Variants in KMT5A observed in about 807,000 individuals in gnomAD.
KMT5A encodes N-lysine methyltransferase KMT5A.
Under a neutral mutation model 40.6 loss-of-function variants are expected in KMT5A, and 6 were observed. The observed-to-expected ratio is 0.15, with a 90% confidence interval of 0.08 to 0.29. The LOEUF (loss-of-function observed/expected upper bound fraction) is 0.29. Ranked by LOEUF, KMT5A falls within the 10% of genes least tolerant of loss-of-function variation. The pLI, the probability that KMT5A is intolerant of heterozygous loss-of-function variation, is 1.00. For missense variants in KMT5A, 308 were observed against 459.1 expected, an observed-to-expected ratio of 0.67 and a Z score of 3.01; for synonymous variants, 153 against 178.8, an observed-to-expected ratio of 0.86 and a Z score of 1.15.
At chr12:123,394,961 A>C in intron 3 of KMT5A, 86 bp from the exon 4 acceptor site, 1 of 1,275,176 alleles carries the variant, frequency 7.8e-7, no homozygotes, top group Non-Finnish European at 1.1e-6. Flanking sequence ...CTGTCTTCTC[A>C]AAGCTTGTCT....
At chr12:123,386,915 G>A (rs1394536874) in intron 1 of KMT5A, among the ~76,000 whole-genome samples, 1 of 151,946 alleles carries the variant, frequency 6.6e-6, no homozygotes, top group Non-Finnish European at 1.5e-5. Flanking sequence ...GAGTGCAGTG[G>A]CACAATCTTG....
At chr12:123,388,871 C>G (rs1424898511) in intron 1 of KMT5A, 2 of 148,066 alleles carry the variant, frequency 1.4e-5, no homozygotes, top group Non-Finnish European at 3.0e-5. Flanking sequence ...CGCGCCCGCC[C>G]GCCCGCCCTC....
At chr12:123,396,856 G>T (rs1003683643) in intron 5 of KMT5A, among the ~76,000 whole-genome samples, 3 of 152,184 alleles carry the variant, frequency 2.0e-5, no homozygotes, top group African/African-American at 7.2e-5. Flanking sequence ...AGTGGCTTGG[G>T]GCCACTTGCT....
At chr12:123,401,770 C>T (rs1226529034) in intron 5 of KMT5A, among the ~76,000 whole-genome samples, 2 of 151,782 alleles carry the variant, frequency 1.3e-5, no homozygotes, top group Non-Finnish European at 2.9e-5. Context: ...TTAGTAGAGA[C>T]GGGGTTTCGC....
chr12:123,404,019 C>T (rs993148024), intron 6 of KMT5A, among the ~76,000 whole-genome samples: 5 of 152,164 alleles, frequency 3.3e-5, no homozygotes, highest in African/African-American at 1.2e-4. Flanking sequence ...TCTCCCCTGC[C>T]CAGCCCCTGG....
intron 5 of KMT5A, among the ~76,000 whole-genome samples, chr12:123,400,059 T>C (rs1327440158): frequency 6.6e-6 from 1 of 152,128 alleles, no homozygotes; most frequent in African/African-American, 2.4e-5. Context: ...CCTGACCTCA[T>C]GATCCACTTG....
intron 5 of KMT5A, among the ~76,000 whole-genome samples, chr12:123,397,152 C>T (rs947758267): frequency 6.6e-6 from 1 of 152,276 alleles, no homozygotes; most frequent in Non-Finnish European, 1.5e-5. Flanking sequence ...GGAAGGCCAG[C>T]TGGCCTATGC....
Position 123,399,596 on chromosome 12 carries a change from G to A in KMT5A, c.597+3164G>A, listed in dbSNP as rs74503997. ...GGGTCACACAGCAAGGTGGTTATGT[G>A]TGTGATGGTGGTGGTGTTGCTTTGA... is the stretch of plus-strand genomic sequence containing the variant. On this transcript the variant is annotated intron_variant, in intron 5 of 7. Transcript: ENST00000402868. 2.9e-3 allele frequency among the ~76,000 whole-genome samples: 449 copies of A among 152,340 alleles called. 3 individuals carry two copies. Among genetic ancestry groups the A allele is most frequent in the East Asian group, 0.012 (64 of 5,192 alleles).
At chr12:123,402,787 G>A (rs760097624) in intron 5 of KMT5A, among the ~76,000 whole-genome samples, 3 of 152,142 alleles carry the variant, frequency 2.0e-5, no homozygotes, top group Non-Finnish European at 4.4e-5. Context: ...CTCATCCATC[G>A]TGGTGGCCTC....
chr12:123,385,767 G>T (rs1876838194), intron 1 of KMT5A, among the ~76,000 whole-genome samples: 1 of 152,128 alleles, frequency 6.6e-6, no homozygotes, highest in African/African-American at 2.4e-5. Context: ...AGGGAGAATT[G>T]CCTGAACCTG....
Position 123,384,194 on chromosome 12 carries a change from G to A in KMT5A, c.-5G>A. ...GGAGATCCCAGGCGGTGACAGAGTG[G>A]AGCCATGGCTAGAGGTATTTGCCCA... On this transcript the variant is annotated 5_prime_UTR_variant, in exon 1 of 8. Coordinates refer to ENST00000402868, the MANE Select transcript of KMT5A (RefSeq NM_020382.7). This position sits in a 1 kb window ranked among gnomAD's most constrained non-coding sequence, Gnocchi z 5.7. The A allele has an allele frequency of 1.2e-6, 2 of 1,613,762 alleles. No individual in the cohort carries two copies. The highest frequency in any genetic ancestry group is 2.2e-5 in the South Asian group (2 of 91,068).
At chr12:123,402,119 C>T (rs1164005297) in intron 5 of KMT5A, among the ~76,000 whole-genome samples, 4 of 152,200 alleles carry the variant, frequency 2.6e-5, no homozygotes, top group South Asian at 2.1e-4. Context: ...TGTCCTTAAG[C>T]GATCCTTCCT....
intron 3 of KMT5A, among the ~76,000 whole-genome samples, chr12:123,393,846 A>G (rs1017297524): frequency 2.6e-5 from 4 of 152,140 alleles, no homozygotes; most frequent in South Asian, 2.1e-4. Context: ...TGGATAGGCC[A>G]CATTTTGTTT....
In KMT5A at chr12:123,390,634, A is replaced by G. The variant is rs1877233052; in HGVS notation, c.137A>G (p.Asn46Ser). 1 of 1,613,610 alleles carries G rather than the reference A, an allele frequency of 6.2e-7. No homozygotes were observed. The highest frequency in any genetic ancestry group is 8.5e-7 in the Non-Finnish European group (1 of 1,179,740). ...GPGRPRTDGE[N>S]VFTGQSKIYS... is the part of the protein sequence containing the mutation. The stretch of plus-strand genomic sequence containing the variant: ...AATATGCTTTTGTCTTTTTAGGAGA[A>G]CGTATTTACCGGGCAGTCAAAGATC... The change falls in exon 3 of 8, where the codon AAC (asparagine) becomes AGC (serine). Residue 46 changes from asparagine to serine, a missense_variant. Transcript: ENST00000402868.
In KMT5A at chr12:123,407,791, A is replaced by G; in HGVS notation, c.*88A>G. 1.2e-6 allele frequency: 1 copy of G among 829,116 alleles called. No individual in the cohort carries two copies. The highest frequency in any genetic ancestry group is 1.9e-6 in the Non-Finnish European group (1 of 516,668). 51.4% of individuals were successfully genotyped at this position (829,116 alleles called of 1,614,324 possible). A position where few individuals can be genotyped will look rare whatever the true frequency, so the allele number is the denominator to read the frequency against. ...AGGGAATTGAATTTTTTTTTTACAC[A>G]CTTAATCTTAGCGGATTACTTCAGA... On this transcript the variant is annotated 3_prime_UTR_variant, in exon 8 of 8. Coordinates refer to ENST00000402868, the MANE Select transcript of KMT5A (RefSeq NM_020382.7).
Position 123,394,996 on chromosome 12 carries a change from A to G in KMT5A, c.290-51A>G, listed in dbSNP as rs551655968. The G allele has an allele frequency of 4.8e-5, 70 of 1,458,122 alleles. No homozygotes were observed. The South Asian group carries it at 8.7e-4, about 18-fold the overall frequency. 90.3% of individuals were successfully genotyped at this position (1,458,122 alleles called of 1,614,324 possible). On this transcript the variant is annotated intron_variant, in intron 3 of 7. Coordinates refer to ENST00000402868, the MANE Select transcript of KMT5A (RefSeq NM_020382.7). ...TTAGAATGCAGCTGGTCGTCTGGAA[A>G]TTGAGAGACAGTACAGAATAAACCC...
intron 5 of KMT5A, among the ~76,000 whole-genome samples, chr12:123,402,673 G>A (rs1878265580): frequency 6.6e-6 from 1 of 152,234 alleles, no homozygotes; most frequent in South Asian, 2.1e-4. Flanking sequence ...AGGGATGGAG[G>A]TAGGTGCAGG....
chr12:123,392,214 T>C (rs780204942), intron 3 of KMT5A, among the ~76,000 whole-genome samples: 4 of 152,108 alleles, frequency 2.6e-5, no homozygotes, highest in South Asian at 4.1e-4. Flanking sequence ...TTCCTGCCCA[T>C]AGGGTTGGGG....
intron 5 of KMT5A, among the ~76,000 whole-genome samples, chr12:123,403,172 C>A (rs550119298): frequency 1.3e-5 from 2 of 152,176 alleles, no homozygotes; most frequent in Non-Finnish European, 2.9e-5. Context: ...CGAAGTGTTG[C>A]GATTACAGGC....
Sources: gnomAD v4.1 joint callset for allele counts (sites outside exome capture counted in the v4.1 genomes callset) on GRCh38, gnomAD v4.1.1 for gene constraint, Gnocchi (gnomAD v3.1) non-coding constraint, MANE v1.5 for transcripts, NCBI Gene and HGNC (gene_info 2026-07-23, HGNC 2026-07-21) for gene names.